Variants in PUM3 observed in about 807,000 individuals in gnomAD.
The protein encoded by PUM3 is pumilio homolog 3.
A neutral mutation model predicts 84.0 loss-of-function variants in PUM3; 91 were observed. The observed-to-expected ratio is 1.08, with a 90% confidence interval of 0.91 to 1.29. The LOEUF is 1.29. Among genes scored for constraint, PUM3 ranks in the 50% most tolerant of loss-of-function variants. The pLI, the probability that PUM3 is intolerant of heterozygous loss-of-function variation, is 0.00. For synonymous variants in PUM3, 321 were observed against 266.7 expected (o/e 1.20, Z -1.98); for missense variants, 1,067 against 767.5 (o/e 1.39, Z -4.61).
chr9:2,839,150 G>A (rs746704351), intron 1 of PUM3, among the ~76,000 whole-genome samples: 8 of 152,118 alleles, frequency 5.3e-5, no homozygotes, highest in South Asian at 2.1e-4. Context: ...TCTAATAGGC[G>A]CTTTATAGGC....
intron 12 of PUM3, among the ~76,000 whole-genome samples, chr9:2,821,523 A>C (rs577466799): frequency 6.6e-6 from 1 of 151,980 alleles, no homozygotes; most frequent in Non-Finnish European, 1.5e-5. Context: ...TGTATGAAAT[A>C]ATGCTTTATG....
At chr9:2,816,954 T>C (rs1240590175) in intron 13 of PUM3, among the ~76,000 whole-genome samples, 2 of 152,244 alleles carry the variant, frequency 1.3e-5, no homozygotes, top group African/African-American at 4.8e-5. Flanking sequence ...CACTAAGCTT[T>C]CTTGGCTATT....
In PUM3 at chr9:2,804,289, G is replaced by C. The variant is rs574503616; in HGVS notation, c.*42C>G. ...TTTCTGCATTGGGAAACAGAACAGA[G>C]AACAGAAAAAATCATTCCATCTTGC... On this transcript the variant is annotated 3_prime_UTR_variant, in exon 18 of 18. Transcript: ENST00000397885. 4.4e-6 allele frequency: 7 copies of C among 1,597,922 alleles called. No homozygotes were observed. The Admixed American group carries it at 1.0e-4, about 23-fold the overall frequency.
chr9:2,810,557 G>T, intron 15 of PUM3, 126 bp from the exon 16 acceptor site: 1 of 621,300 alleles, frequency 1.6e-6, no homozygotes, highest in Non-Finnish European at 2.8e-6. Flanking sequence ...AAGTTCCACA[G>T]GCTTAAGAGG....
chr9:2,837,612 G>C (rs1452121521), intron 2 of PUM3, among the ~76,000 whole-genome samples: 1 of 152,072 alleles, frequency 6.6e-6, no homozygotes, highest in Non-Finnish European at 1.5e-5. Flanking sequence ...ACCACCTAGA[G>C]AGTAGAGAAA....
intron 13 of PUM3, among the ~76,000 whole-genome samples, chr9:2,817,900 T>G (rs142857678): frequency 6.6e-6 from 1 of 152,206 alleles, no homozygotes; most frequent in Non-Finnish European, 1.5e-5. Flanking sequence ...CTTATTTACT[T>G]TCCAGCGACC....
chr9:2,827,847 T>C (rs1815865021), intron 9 of PUM3, among the ~76,000 whole-genome samples: 1 of 152,156 alleles, frequency 6.6e-6, no homozygotes, highest in African/African-American at 2.4e-5. Flanking sequence ...ATCCCAATTT[T>C]ACAAATATGG....
intron 12 of PUM3, among the ~76,000 whole-genome samples, chr9:2,821,241 G>A (rs1337120966): frequency 6.6e-6 from 1 of 151,880 alleles, no homozygotes; most frequent in Non-Finnish European, 1.5e-5. Context: ...TCAGGAGATC[G>A]AGACCATCCT....
chr9:2,809,297 T>G (rs1821319307), intron 16 of PUM3, among the ~76,000 whole-genome samples: 2 of 152,240 alleles, frequency 1.3e-5, no homozygotes, highest in South Asian at 4.1e-4. Context: ...TGGCAGATTT[T>G]AGGGTTCTCA....
At chr9:2,826,842 A>G (rs1449485436) in intron 10 of PUM3, among the ~76,000 whole-genome samples, 2 of 152,210 alleles carry the variant, frequency 1.3e-5, no homozygotes, top group Non-Finnish European at 2.9e-5. Flanking sequence ...TATAATTAAG[A>G]TATAAAAATT....
intron 1 of PUM3, among the ~76,000 whole-genome samples, chr9:2,843,172 A>C (rs536658720): frequency 6.6e-6 from 1 of 152,288 alleles, no homozygotes; most frequent in Non-Finnish European, 1.5e-5. Context: ...TACAGAAAAA[A>C]AAATTCCCCA....
At chr9:2,812,128 A>T (rs1821387182) in intron 14 of PUM3, 92 bp downstream of exon 14, 1 of 1,023,772 alleles carries the variant, frequency 9.8e-7, no homozygotes, top group Non-Finnish European at 1.5e-6. Flanking sequence ...AGTTTTAGAG[A>T]GGGTATGGAT....
intron 17 of PUM3, among the ~76,000 whole-genome samples, chr9:2,804,991 G>A (rs772663318): frequency 2.0e-5 from 3 of 152,158 alleles, no homozygotes; most frequent in Admixed American, 6.5e-5. Flanking sequence ...GTGAAAGGGC[G>A]AAGGGCTTCA....
chr9:2,814,567 G>A (rs767787044), intron 13 of PUM3, among the ~76,000 whole-genome samples: 1 of 152,238 alleles, frequency 6.6e-6, no homozygotes, highest in East Asian at 1.9e-4. Flanking sequence ...CATACCTTGA[G>A]TGTGCCTTTA....
intron 3 of PUM3, among the ~76,000 whole-genome samples, chr9:2,835,181 A>G (rs1393044): frequency 0.65 from 99,600 of 152,110 alleles, 33,698 homozygotes; most frequent in African/African-American, 0.83. Context: ...GGAAGGCTGA[A>G]GAAGAAGAAT....
chr9:2,831,344 T>C lies in PUM3; in HGVS notation c.517A>G (p.Ile173Val). ...CGAGTTGAATCGTGTGCAAATGCAA[T>C]CTGCAGGAAAAAGTTTGAGTTAGAC... ...QKLIQGKIKT[I>V]AFAHDSTRVI... The change falls in exon 6 of 18, where the codon ATT becomes GTT. Residue 173 changes from isoleucine to valine, a missense_variant and splice_region_variant. Physicochemically the swap from Ile to Val is conservative, Grantham distance 29 (BLOSUM62 3). Coordinates refer to ENST00000397885, the MANE Select transcript of PUM3 (RefSeq NM_014878.5). 1 of 1,598,672 alleles carries C rather than the reference T, an allele frequency of 6.3e-7. No homozygotes were observed. Among genetic ancestry groups the C allele is most frequent in the African/African-American group, 1.3e-5 (1 of 74,550 alleles).
chr9:2,829,715 G>A (rs1815919878), intron 8 of PUM3, 59 bp downstream of exon 8: 2 of 1,451,820 alleles, frequency 1.4e-6, no homozygotes, highest in African/African-American at 2.8e-5. Context: ...GGCACCGGAA[G>A]TTAAGGAAGA....
chr9:2,834,947 G>A (rs560199215), intron 3 of PUM3, among the ~76,000 whole-genome samples: 4 of 146,768 alleles, frequency 2.7e-5, no homozygotes, highest in Non-Finnish European at 5.9e-5. Context: ...ATCTGGCACA[G>A]AATCTTTTGG....
Position 2,838,383 on chromosome 9 carries a change from C to G in PUM3, c.82+43G>C, listed in dbSNP as rs759103772. On this transcript the variant is annotated intron_variant, in intron 2 of 17. Transcript: ENST00000397885. Reference sequence around the variant, plus strand: ...AATTTACTACATGCCCTCCCATCCCCCAATTATAACAGCCAAACACCCACA... The same window carrying G: ...AATTTACTACATGCCCTCCCATCCCGCAATTATAACAGCCAAACACCCACA... The G allele has an allele frequency of 5.2e-6, 7 of 1,339,002 alleles. No individual in the cohort carries two copies. The East Asian group carries it at 1.6e-4, about 31-fold the overall frequency. 82.9% of individuals were successfully genotyped at this position (1,339,002 alleles called of 1,614,324 possible). A position where few individuals can be genotyped will look rare whatever the true frequency, so the allele number is the denominator to read the frequency against.
Sources: gnomAD v4.1 joint callset for allele counts (sites outside exome capture counted in the v4.1 genomes callset) on GRCh38, gnomAD v4.1.1 for gene constraint, MANE v1.5 for transcripts, NCBI Gene and HGNC (gene_info 2026-07-23, HGNC 2026-07-21) for gene names.